The following CMTM8 variants were observed in gnomAD, a reference collection of about 807,000 sequenced individuals.
CMTM8 encodes CKLF like MARVEL transmembrane domain containing 8, also known as CKLF-like MARVEL transmembrane domain-containing protein 8.
A neutral mutation model predicts 18.6 loss-of-function variants in CMTM8; 12 were observed. The ratio of observed to expected loss-of-function variants is 0.65; its 90% CI spans 0.41 to 1.05. CMTM8 has a LOEUF of 1.05. Among genes scored for constraint, CMTM8 ranks in the 50% least tolerant of loss-of-function variants. The probability of loss-of-function intolerance (pLI) is 0.00; values close to 1 mark genes in which losing one functional copy is unlikely to be tolerated. For synonymous variants in CMTM8, 87 were observed against 90.6 expected (o/e 0.96, Z 0.23); for missense variants, 217 against 227.2 (o/e 0.95, Z 0.29).
intron 1 of CMTM8, among the ~76,000 whole-genome samples, chr3:32,305,400 A>G (rs924590376): frequency 2.6e-5 from 4 of 152,098 alleles, no homozygotes; most frequent in Non-Finnish European, 5.9e-5. Context: ...CATCAGGTAC[A>G]AAATGTCACT....
At chr3:32,301,414 A>G (rs1272855543) in intron 1 of CMTM8, among the ~76,000 whole-genome samples, 1 of 152,222 alleles carries the variant, frequency 6.6e-6, no homozygotes, top group African/African-American at 2.4e-5. Context: ...AAATAACAAT[A>G]TATAAATTTC....
chr3:32,287,994 C>T (rs1702712501), intron 1 of CMTM8, among the ~76,000 whole-genome samples: 1 of 152,162 alleles, frequency 6.6e-6, no homozygotes, highest in Non-Finnish European at 1.5e-5. Flanking sequence ...TTTACAAAAT[C>T]TTAATTCACA....
intron 1 of CMTM8, among the ~76,000 whole-genome samples, chr3:32,283,029 T>G (rs1429134651): frequency 6.6e-6 from 1 of 152,224 alleles, no homozygotes; most frequent in Non-Finnish European, 1.5e-5. Context: ...GGTCTGATGC[T>G]TCCACTAGAA....
chr3:32,242,394 A>G (rs1701954707), intron 1 of CMTM8, among the ~76,000 whole-genome samples: 1 of 152,086 alleles, frequency 6.6e-6, no homozygotes, highest in Non-Finnish European at 1.5e-5. Flanking sequence ...TGGTATGATC[A>G]CAGTGCAACC....
intron 1 of CMTM8, among the ~76,000 whole-genome samples, chr3:32,284,880 G>T (rs1183297592): frequency 6.6e-6 from 1 of 152,166 alleles, no homozygotes; most frequent in East Asian, 1.9e-4. Flanking sequence ...GGTGTCCTCG[G>T]TCTTGTTCTC....
At chr3:32,353,328 G>A (rs893851412) in intron 1 of CMTM8, among the ~76,000 whole-genome samples, 2 of 152,140 alleles carry the variant, frequency 1.3e-5, no homozygotes, top group South Asian at 2.1e-4. Flanking sequence ...GAACAATTTG[G>A]TAGTACCTCT....
chr3:32,278,400 A>G (rs1303895775), intron 1 of CMTM8, among the ~76,000 whole-genome samples: 1 of 152,200 alleles, frequency 6.6e-6, no homozygotes, highest in East Asian at 1.9e-4. Flanking sequence ...ATTTGCTGCT[A>G]TTCTCAGCTC....
At chr3:32,262,130 T>C (rs542282938) in intron 1 of CMTM8, among the ~76,000 whole-genome samples, 14 of 152,188 alleles carry the variant, frequency 9.2e-5, no homozygotes, top group South Asian at 6.2e-4. Context: ...ATGTCCATTG[T>C]CCCCATTGCG....
chr3:32,315,788 G>A (rs1390069750), intron 1 of CMTM8, among the ~76,000 whole-genome samples: 4 of 152,072 alleles, frequency 2.6e-5, no homozygotes, highest in Admixed American at 2.6e-4. Context: ...CATATTTTTT[G>A]GTGGCTTATG....
At chr3:32,246,467 G>C (rs1702017290) in intron 1 of CMTM8, among the ~76,000 whole-genome samples, 1 of 152,112 alleles carries the variant, frequency 6.6e-6, no homozygotes, top group Non-Finnish European at 1.5e-5. Flanking sequence ...CCCTGCTTCT[G>C]ATTGCCAAGT....
At chr3:32,318,055 CAAAAAAA>C (rs60403582) in intron 1 of CMTM8, among the ~76,000 whole-genome samples, 3 of 85,802 alleles carry the variant, frequency 3.5e-5, no homozygotes, top group Middle Eastern at 6.9e-3. Flanking sequence ...AACTCTGTCT[CAAAAAAA>C]AAAAAAAAAA....
chr3:32,264,858 G>A (rs1559364898), intron 1 of CMTM8, among the ~76,000 whole-genome samples: 1 of 152,102 alleles, frequency 6.6e-6, no homozygotes, highest in Non-Finnish European at 1.5e-5. Context: ...GACAAAGAAG[G>A]CCATTACATA....
chr3:32,350,482 C>G (rs897934557), intron 1 of CMTM8, among the ~76,000 whole-genome samples: 7 of 150,912 alleles, frequency 4.6e-5, no homozygotes. Context: ...CTCAGCCTCC[C>G]GAGTAGCTGG....
intron 1 of CMTM8, among the ~76,000 whole-genome samples, chr3:32,277,092 G>C (rs1702532588): frequency 6.6e-6 from 1 of 151,744 alleles, no homozygotes; most frequent in Non-Finnish European, 1.5e-5. Flanking sequence ...TCACCATGTT[G>C]CCCAGGCCAG....
intron 2 of CMTM8, among the ~76,000 whole-genome samples, chr3:32,365,687 T>C (rs1697020550): frequency 6.6e-6 from 1 of 152,186 alleles, no homozygotes; most frequent in Admixed American, 6.5e-5. Context: ...TCTCAGGTGA[T>C]CTACTCGCCT....
At chr3:32,301,633 C>A (rs1332558692) in intron 1 of CMTM8, among the ~76,000 whole-genome samples, 1 of 151,684 alleles carries the variant, frequency 6.6e-6, no homozygotes, top group Non-Finnish European at 1.5e-5. Flanking sequence ...TGACTCATCC[C>A]GGCATCGGTG....
chr3:32,302,350 G>A (rs1237441857), intron 1 of CMTM8, among the ~76,000 whole-genome samples: 1 of 152,112 alleles, frequency 6.6e-6, no homozygotes, highest in Non-Finnish European at 1.5e-5. Flanking sequence ...TTCTTTATTG[G>A]AACAAGTAGC....
At chr3:32,275,481 T>G (rs1175004586) in intron 1 of CMTM8, among the ~76,000 whole-genome samples, 1 of 151,992 alleles carries the variant, frequency 6.6e-6, no homozygotes, top group Non-Finnish European at 1.5e-5. Context: ...CAAATGCAAA[T>G]TCATGTAAAT....
intron 1 of CMTM8, among the ~76,000 whole-genome samples, chr3:32,257,909 AT>A (rs1484524605): frequency 6.6e-6 from 1 of 152,086 alleles, no homozygotes; most frequent in African/African-American, 2.4e-5. Flanking sequence ...AGGAAAGGAA[AT>A]ATTGGCAGGG....
Sources: gnomAD v4.1 joint callset for allele counts (sites outside exome capture counted in the v4.1 genomes callset) on GRCh38, gnomAD v4.1.1 for gene constraint, MANE v1.5 for transcripts, NCBI Gene and HGNC (gene_info 2026-07-23, HGNC 2026-07-21) for gene names.